The following YTHDC2 variants were observed in gnomAD, a reference collection of about 807,000 sequenced individuals.
The protein encoded by YTHDC2 is YTH N6-methyladenosine RNA binding protein C2, also known as 3'-5' RNA helicase YTHDC2.
Under a neutral mutation model 174.9 loss-of-function variants are expected in YTHDC2, and 45 were observed. The ratio of observed to expected loss-of-function variants is 0.26; its 90% CI spans 0.20 to 0.33. The LOEUF is 0.33. Ranked by LOEUF, YTHDC2 falls within the 10% of genes least tolerant of loss-of-function variation. The pLI is 1.00. For synonymous variants in YTHDC2, 657 were observed against 574.5 expected (o/e 1.14, Z -2.05); for missense variants, 1,650 against 1,723.7 (o/e 0.96, Z 0.76).
chr5:113,531,049 C>A (rs1774621253), intron 4 of YTHDC2, among the ~76,000 whole-genome samples: 2 of 152,202 alleles, frequency 1.3e-5, no homozygotes, highest in Non-Finnish European at 2.9e-5. Flanking sequence ...GGATGTAATT[C>A]TTACCTTGGC....
At chr5:113,530,409 ATTC>A (rs1229766495) in intron 4 of YTHDC2, among the ~76,000 whole-genome samples, 2 of 152,044 alleles carry the variant, frequency 1.3e-5, no homozygotes, top group Non-Finnish European at 2.9e-5. Flanking sequence ...TGAGCATAAT[ATTC>A]TTCTTCATTA....
chr5:113,559,799 A>G (rs1178184878), intron 17 of YTHDC2, among the ~76,000 whole-genome samples: 1 of 152,250 alleles, frequency 6.6e-6, no homozygotes, highest in Non-Finnish European at 1.5e-5. Flanking sequence ...GAATTGTAAC[A>G]GAAGATGAAC....
intron 6 of YTHDC2, among the ~76,000 whole-genome samples, chr5:113,535,115 C>G (rs745828482): frequency 3.9e-5 from 6 of 152,160 alleles, no homozygotes; most frequent in Admixed American, 2.0e-4. Context: ...GCAATATAGA[C>G]AGCTCTCTGT....
chr5:113,514,020 A>G lies in YTHDC2; in HGVS notation c.125A>G (p.Asp42Gly). The part of the protein sequence containing the change: ...RAKGLKDIRI[D>G]EEVKIAVNIA... ...AAGGGGCTGAAGGACATTCGCATTGATGAGGAGGTGAAGATCGCAGTCAAT... is the reference window on the plus strand; with the variant it reads ...AAGGGGCTGAAGGACATTCGCATTGGTGAGGAGGTGAAGATCGCAGTCAAT... Residue 42 changes from aspartate (D) to glycine (G), a missense_variant, in exon 1 of 30, where the codon GAT (aspartate) becomes GGT (glycine). Around this residue, in one of 5 missense-constraint regions of YTHDC2, gnomAD observed 304 missense variants for 341.4 expected, o/e 0.89. Coordinates refer to ENST00000161863, the MANE Select transcript of YTHDC2 (RefSeq NM_022828.5). 1 of 1,610,978 alleles carries G rather than the reference A, an allele frequency of 6.2e-7. No individual in the cohort carries two copies. The highest frequency in any genetic ancestry group is 8.5e-7 in the Non-Finnish European group (1 of 1,178,870).
intron 18 of YTHDC2, 70 bp downstream of exon 18, chr5:113,561,255 T>C: frequency 8.3e-7 from 1 of 1,201,272 alleles, no homozygotes; most frequent in Non-Finnish European, 1.2e-6. Flanking sequence ...TCAACTTCTA[T>C]GGATTAGGCC....
chr5:113,517,373 T>G (rs999254269), intron 2 of YTHDC2, among the ~76,000 whole-genome samples: 1 of 152,206 alleles, frequency 6.6e-6, no homozygotes, highest in Non-Finnish European at 1.5e-5. Context: ...GCTACATCAT[T>G]TCTATGGTTA....
intron 22 of YTHDC2, 63 bp downstream of exon 22, chr5:113,567,360 T>G (rs982454841): frequency 7.7e-7 from 1 of 1,301,060 alleles, no homozygotes; most frequent in African/African-American, 1.5e-5. Context: ...TCACTATCAA[T>G]GAAAAATGCT....
chr5:113,581,422 T>C lies in YTHDC2; in HGVS notation c.3360T>C (p.Ala1120=). ...ATCTATTTGAACTATTACAGGCAGC[T>C]AGTTTATTGCTGCAGCTCAGACAGA... is the stretch of plus-strand genomic sequence containing the variant. ...WLHFTLEPEA[A]SLLLQLRQKW... is the part of the protein sequence containing the mutation. The change falls in exon 25 of 30, where the codon GCT becomes GCC. Residue 1120 remains alanine (A), a synonymous_variant. Coordinates refer to ENST00000161863, the MANE Select transcript of YTHDC2 (RefSeq NM_022828.5). 1 of 1,600,770 alleles carries C rather than the reference T, an allele frequency of 6.2e-7. No individual in the cohort carries two copies. Among genetic ancestry groups the C allele is most frequent in the Non-Finnish European group, 8.5e-7 (1 of 1,174,302 alleles).
At chr5:113,565,578 G>A (rs1777280300) in intron 20 of YTHDC2, 1 of 185,878 alleles carries the variant, frequency 5.4e-6, no homozygotes, top group Non-Finnish European at 1.1e-5. Context: ...AGAAGTCTTA[G>A]TTGAAAACCT....
chr5:113,568,857 T>C (rs1232442096), intron 23 of YTHDC2, among the ~76,000 whole-genome samples: 1 of 152,190 alleles, frequency 6.6e-6, no homozygotes, highest in Admixed American at 6.5e-5. Flanking sequence ...ATCTTTATAA[T>C]AGAATGATTT....
chr5:113,533,965 C>T (rs1157772499), intron 5 of YTHDC2, among the ~76,000 whole-genome samples: 3 of 151,916 alleles, frequency 2.0e-5, no homozygotes, highest in African/African-American at 7.3e-5. Context: ...TTAGTAATGC[C>T]TTCTTGACAA....
At chr5:113,570,800 G>A (rs957931512) in intron 23 of YTHDC2, among the ~76,000 whole-genome samples, 1 of 151,798 alleles carries the variant, frequency 6.6e-6, no homozygotes, top group Non-Finnish European at 1.5e-5. Context: ...ACAGACGTCT[G>A]CCACCATACT....
In YTHDC2 at chr5:113,584,355, A is replaced by T; in HGVS notation, c.3701A>T (p.Asp1234Val). Reference sequence around the variant, plus strand: ...TTACACCCACCTCAGAAGTACAAAGATAGAGGAATTTTACATCCTAAACGA... The same window carrying T: ...TTACACCCACCTCAGAAGTACAAAGTTAGAGGAATTTTACATCCTAAACGA... Reference protein sequence around the residue: ...PALHPPQKYKDRGILHPKRGT... With the variant: ...PALHPPQKYKVRGILHPKRGT... Residue 1234 changes from aspartate (D) to valine (V), a missense_variant, in exon 26 of 30, where the codon GAT (aspartate) becomes GTT (valine). Coordinates refer to ENST00000161863, the MANE Select transcript of YTHDC2 (RefSeq NM_022828.5). The T allele has an allele frequency of 2.5e-6, 4 of 1,613,900 alleles. No homozygotes were observed. The highest frequency in any genetic ancestry group is 3.4e-6 in the Non-Finnish European group (4 of 1,179,872).
In YTHDC2 at chr5:113,553,572, A is replaced by C. The variant is rs1426216956; in HGVS notation, c.1868-18A>C. 6.2e-7 allele frequency: 1 copy of C among 1,609,046 alleles called. No homozygotes were observed. The highest frequency in any genetic ancestry group is 8.5e-7 in the Non-Finnish European group (1 of 1,177,168). ...ATTCACAATGAGATTTAATATTAAA[A>C]AGTCATTCTTCTCCAAGGTGCAGTA... On this transcript the variant is annotated intron_variant, in intron 13 of 29. Coordinates refer to ENST00000161863, the MANE Select transcript of YTHDC2 (RefSeq NM_022828.5).
intron 17 of YTHDC2, 50 bp downstream of exon 17, chr5:113,556,184 GT>G: frequency 9.9e-7 from 1 of 1,009,174 alleles, no homozygotes; most frequent in Non-Finnish European, 1.5e-6. Flanking sequence ...AAATGGAAAC[GT>G]TTTTATATGC....
intron 7 of YTHDC2, among the ~76,000 whole-genome samples, chr5:113,537,146 T>C (rs1775136024): frequency 1.3e-5 from 2 of 152,204 alleles, no homozygotes; most frequent in South Asian, 4.1e-4. Context: ...GTGAATTTGC[T>C]AAATAAGAGT....
chr5:113,592,779 C>G (rs907306560), intron 28 of YTHDC2: 6 of 152,274 alleles, frequency 3.9e-5, no homozygotes, highest in African/African-American at 1.4e-4. Flanking sequence ...AAGTGGGATT[C>G]TTTTCAATTG....
chr5:113,553,509 T>A (rs1169963195), intron 13 of YTHDC2, 81 bp from the exon 14 acceptor site: 2 of 1,507,334 alleles, frequency 1.3e-6, no homozygotes, highest in Admixed American at 3.6e-5. Flanking sequence ...CTTGAAAACA[T>A]GTGATACAGA....
Position 113,517,391 on chromosome 5 carries a change from C to T in YTHDC2, c.278+2029C>T, listed in dbSNP as rs372066642. On this transcript the variant is annotated intron_variant, in intron 2 of 29. Coordinates refer to ENST00000161863, the MANE Select transcript of YTHDC2 (RefSeq NM_022828.5). ...ACATCATTTCTATGGTTACATGGGT[C>T]TTGCATTCTAAACAGCTAACTTAGA... Among the ~76,000 whole-genome samples the T allele has an allele frequency of 5.3e-5, 8 of 152,298 alleles. No individual in the cohort carries two copies. The East Asian group carries it at 1.2e-3, about 22-fold the overall frequency.
Sources: gnomAD v4.1 joint callset for allele counts (sites outside exome capture counted in the v4.1 genomes callset) on GRCh38, gnomAD v4.1.1 for gene constraint, gnomAD v4.1.1 regional missense constraint, MANE v1.5 for transcripts, NCBI Gene and HGNC (gene_info 2026-07-23, HGNC 2026-07-21) for gene names.